GALNT2: variants seen among roughly 807,000 people sequenced by gnomAD.
GALNT2 encodes the protein polypeptide N-acetylgalactosaminyltransferase 2, also known as UDP-GalNAc:polypeptide N-acetylgalactosaminyltransferase 2.
In GALNT2, 31 loss-of-function variants were observed where a neutral mutation model predicts 81.4. The observed-to-expected ratio is 0.38, with a 90% CI of 0.29 to 0.51. The LOEUF is 0.51. Ranked by LOEUF, GALNT2 falls within the 20% of genes least tolerant of loss-of-function variation. The pLI is 0.87. For synonymous variants in GALNT2, 303 were observed against 287.4 expected (o/e 1.05, Z -0.55); for missense variants, 629 against 765.7 (o/e 0.82, Z 2.11).
At chr1:230,213,970 A>G (rs1217212897) in intron 3 of GALNT2, among the ~76,000 whole-genome samples, 2 of 152,064 alleles carry the variant, frequency 1.3e-5, no homozygotes, top group South Asian at 2.1e-4. Context: ...TCACATATTT[A>G]TATTCCCATT....
chr1:230,100,035 A>G (rs1027142424), intron 1 of GALNT2, among the ~76,000 whole-genome samples: 1 of 152,166 alleles, frequency 6.6e-6, no homozygotes, highest in Non-Finnish European at 1.5e-5. Context: ...ATCTGAGGAT[A>G]TATTCCCAGC....
chr1:230,226,638 G>A (rs1017100026), intron 3 of GALNT2, among the ~76,000 whole-genome samples: 2 of 152,304 alleles, frequency 1.3e-5, no homozygotes, highest in Admixed American at 6.5e-5. Context: ...ACATGCGGAG[G>A]CAGGTGCCTT....
intron 1 of GALNT2, among the ~76,000 whole-genome samples, chr1:230,144,303 C>T (rs75694683): frequency 0.01 from 1,560 of 152,260 alleles, 28 homozygotes; most frequent in African/African-American, 0.036. Flanking sequence ...TACATGGAGA[C>T]AGTAGTTAGT....
intron 1 of GALNT2, among the ~76,000 whole-genome samples, chr1:230,176,908 C>T (rs1662997110): frequency 1.3e-5 from 2 of 152,100 alleles, no homozygotes; most frequent in African/African-American, 2.4e-5. Context: ...GGGGCTTGGA[C>T]CCCCGGCTGC....
At chr1:230,160,045 T>C (rs1662383202) in intron 1 of GALNT2, among the ~76,000 whole-genome samples, 2 of 152,132 alleles carry the variant, frequency 1.3e-5, no homozygotes, top group African/African-American at 4.8e-5. Flanking sequence ...TAGGCCAATG[T>C]CCTTAGTTTC....
chr1:230,217,244 G>A (rs1252428045), intron 3 of GALNT2, among the ~76,000 whole-genome samples: 1 of 152,192 alleles, frequency 6.6e-6, no homozygotes, highest in Non-Finnish European at 1.5e-5. Flanking sequence ...AAGGGTTTTA[G>A]TACTAAACAG....
At chr1:230,167,088 G>A (rs1169891308) in intron 1 of GALNT2, among the ~76,000 whole-genome samples, 1 of 127,110 alleles carries the variant, frequency 7.9e-6, no homozygotes, top group Admixed American at 8.8e-5. Flanking sequence ...ATCATTCTGA[G>A]ACTCTTTTTT....
chr1:230,194,169 C>T (rs1051645984), intron 2 of GALNT2, among the ~76,000 whole-genome samples: 4 of 152,100 alleles, frequency 2.6e-5, no homozygotes, highest in African/African-American at 9.7e-5. Context: ...TGAATGATAG[C>T]GGGTGTGATG....
intron 3 of GALNT2, among the ~76,000 whole-genome samples, chr1:230,210,338 A>C (rs1307611822): frequency 6.6e-6 from 1 of 152,220 alleles, no homozygotes; most frequent in Non-Finnish European, 1.5e-5. Flanking sequence ...TCAACTAGAC[A>C]CCGTTCCTTT....
intron 8 of GALNT2, among the ~76,000 whole-genome samples, chr1:230,246,405 T>G (rs1665372608): frequency 6.6e-6 from 1 of 152,256 alleles, no homozygotes; most frequent in Non-Finnish European, 1.5e-5. Flanking sequence ...GCGAGCCATG[T>G]GGTTCCATGA....
intron 14 of GALNT2, among the ~76,000 whole-genome samples, chr1:230,269,984 GA>G (rs1435831837): frequency 6.6e-6 from 1 of 152,074 alleles, no homozygotes; most frequent in East Asian, 1.9e-4. Context: ...GGTGAATCAC[GA>G]GGTCTGGAGT....
Position 230,279,266 on chromosome 1 carries a change from G to T in GALNT2, c.1561-37G>T, listed in dbSNP as rs1048165420. On this transcript the variant is annotated intron_variant, in intron 15 of 15. Coordinates refer to ENST00000366672, the MANE Select transcript of GALNT2 (RefSeq NM_004481.5). The surrounding 1 kb of genome is among the most constrained non-coding windows in gnomAD (Gnocchi z 4.6). ...CGAATCTGTTTGTACTCCTTTGCTT[G>T]TGCCCACACTCTAAGGCACTCTCCT... 1 of 1,592,336 alleles carries T rather than the reference G, an allele frequency of 6.3e-7. No homozygotes were observed. Among genetic ancestry groups the T allele is most frequent in the Non-Finnish European group, 8.6e-7 (1 of 1,165,078 alleles).
At chr1:230,133,189 C>T (rs747451547) in intron 1 of GALNT2, among the ~76,000 whole-genome samples, 20 of 152,084 alleles carry the variant, frequency 1.3e-4, no homozygotes, top group Non-Finnish European at 2.6e-4. Flanking sequence ...TATGATGAAC[C>T]TTTTTATGTA....
chr1:230,179,920 G>T (rs1197564097), intron 2 of GALNT2, among the ~76,000 whole-genome samples: 6 of 152,104 alleles, frequency 3.9e-5, no homozygotes, highest in Non-Finnish European at 8.8e-5. Context: ...ATACTTTGGT[G>T]TATTTACTTA....
In GALNT2 at chr1:230,102,948, A is replaced by T. The variant is rs777665555; in HGVS notation, c.126+35542A>T. On this transcript the variant is annotated intron_variant, in intron 1 of 15. Transcript: ENST00000366672. The stretch of plus-strand genomic sequence containing the variant: ...GCATGGACGAGAGTGTTGTTTGATG[A>T]CTCTGCATGTGACCAGTAGTGACAT... Among the ~76,000 whole-genome samples, 34 of 151,982 alleles carry T rather than the reference A, an allele frequency of 2.2e-4. 1 individual carries two copies. Among genetic ancestry groups the T allele is most frequent in the Admixed American group, 1.8e-3 (28 of 15,276 alleles).
chr1:230,093,741 A>G (rs926750180), intron 1 of GALNT2, among the ~76,000 whole-genome samples: 1 of 152,246 alleles, frequency 6.6e-6, no homozygotes, highest in African/African-American at 2.4e-5. Context: ...GTGTTTAGAT[A>G]CACAAATACT....
chr1:230,190,582 C>G (rs548855688), intron 2 of GALNT2, among the ~76,000 whole-genome samples: 1 of 152,222 alleles, frequency 6.6e-6, no homozygotes. Context: ...TCTCCACACA[C>G]GCCCATCTCT....
chr1:230,204,999 C>T (rs186010415), intron 3 of GALNT2, among the ~76,000 whole-genome samples: 2 of 152,182 alleles, frequency 1.3e-5, no homozygotes, highest in Non-Finnish European at 2.9e-5. Context: ...GTCCCAAGAG[C>T]GGTGAATTGG....
chr1:230,275,215 C>T lies in GALNT2; in HGVS notation c.1560+651C>T, dbSNP rs557249010. ...TAAACACCACATATATATACATATG[C>T]ATGCCACATATATGCATATGTAAAC... On this transcript the variant is annotated intron_variant, in intron 15 of 15. Transcript: ENST00000366672. The surrounding 1 kb of genome is among the most constrained non-coding windows in gnomAD (Gnocchi z 5.5). Among the ~76,000 whole-genome samples, 48 of 151,102 alleles carry T rather than the reference C, an allele frequency of 3.2e-4. 1 individual carries two copies. The South Asian group carries it at 1.0e-2, about 31-fold the overall frequency.
Sources: allele counts gnomAD v4.1 joint callset (sites outside exome capture counted in the v4.1 genomes callset), GRCh38; gene constraint gnomAD v4.1.1; non-coding constraint Gnocchi (gnomAD v3.1); transcripts MANE v1.5; gene names NCBI Gene and HGNC (gene_info 2026-07-23, HGNC 2026-07-21).